IFT27: variants seen among roughly 807,000 people sequenced by gnomAD.
The protein encoded by IFT27 is intraflagellar transport 27, also known as intraflagellar transport protein 27 homolog.
In IFT27, 19 loss-of-function variants were observed where a neutral mutation model predicts 23.9. The observed-to-expected ratio is 0.79, with a 90% CI of 0.55 to 1.16. IFT27 has a LOEUF of 1.16. Ranked by LOEUF, IFT27 falls within the 50% of genes most tolerant of loss-of-function variation. The probability of loss-of-function intolerance (pLI) is 0.00; values close to 1 mark genes in which losing one functional copy is unlikely to be tolerated. For missense variants in IFT27, 206 were observed against 228.7 expected (o/e 0.90, Z 0.64); for synonymous variants, 91 against 89.1 (o/e 1.02, Z -0.12).
Position 36,766,238 on chromosome 22 carries a change from C to T in IFT27, c.175-41G>A, listed in dbSNP as rs370741992. 22 of 1,562,392 alleles carry T rather than the reference C, an allele frequency of 1.4e-5. No individual in the cohort carries two copies. In the African/African-American group the frequency reaches 2.2e-4, roughly 15 times the overall value. On this transcript the variant is annotated intron_variant, in intron 3 of 6. Transcript: ENST00000433985. ...CAAGAAAAGTCTCCACGTGGAAAAACCACAAGCTACGAGTCACTGGTATCA... is the reference window on the plus strand; with the variant it reads ...CAAGAAAAGTCTCCACGTGGAAAAATCACAAGCTACGAGTCACTGGTATCA...
At chr22:36,765,987 G>C in intron 4 of IFT27, 151 bp downstream of exon 4, 6 of 715,128 alleles carry the variant, frequency 8.4e-6, no homozygotes, top group Non-Finnish European at 1.5e-5. Context: ...GTATCCATGA[G>C]TCCTGGGCTG....
At chr22:36,765,333 C>T (rs144018589) in intron 4 of IFT27, among the ~76,000 whole-genome samples, 178 of 152,226 alleles carry the variant, frequency 1.2e-3, no homozygotes, top group Non-Finnish European at 2.2e-3. Context: ...ACGGGTGGCA[C>T]ATGGCCTGGA....
chr22:36,763,110 A>G, intron 5 of IFT27, 97 bp from the exon 6 acceptor site: 4 of 782,360 alleles, frequency 5.1e-6, no homozygotes, highest in Non-Finnish European at 5.9e-6. Flanking sequence ...GGTGTAAAGC[A>G]TCCTCTGAGA....
chr22:36,767,204 C>G (rs763419690), intron 3 of IFT27, 102 bp downstream of exon 3: 1 of 894,566 alleles, frequency 1.1e-6, no homozygotes, highest in Non-Finnish European at 1.8e-6. Flanking sequence ...GTCTAGACCA[C>G]AGCCTTGCAC....
At chr22:36,767,522 T>A (rs1467720708) in intron 2 of IFT27, among the ~76,000 whole-genome samples, 157 bp from the exon 3 acceptor site, 1 of 152,138 alleles carries the variant, frequency 6.6e-6, no homozygotes, top group Admixed American at 6.5e-5. Flanking sequence ...CATGCAGAAG[T>A]CAGAGGGGAC....
chr22:36,762,825 G>C, intron 6 of IFT27, 79 bp downstream of exon 6: 1 of 795,010 alleles, frequency 1.3e-6, no homozygotes, highest in South Asian at 2.4e-5. Flanking sequence ...ACAGCTCCCT[G>C]CACGTGAGGT....
At chr22:36,774,791 A>G (rs1938465286) in intron 1 of IFT27, among the ~76,000 whole-genome samples, 2 of 151,924 alleles carry the variant, frequency 1.3e-5, no homozygotes, top group African/African-American at 4.8e-5. Flanking sequence ...CAGCCTGGGC[A>G]ACAGCGTGAG....
intron 6 of IFT27, chr22:36,762,008 C>G (rs1332239944): frequency 6.6e-6 from 1 of 152,278 alleles, no homozygotes; most frequent in Non-Finnish European, 1.5e-5. Context: ...CTGGTGATCT[C>G]CCCAGCTAGC....
chr22:36,768,210 G>A (rs1938304372), intron 1 of IFT27: 1 of 415,566 alleles, frequency 2.4e-6, no homozygotes, highest in Non-Finnish European at 4.9e-6. Context: ...TTCCAAACTG[G>A]AATTTACTTT....
chr22:36,766,345 C>T (rs75913273), intron 3 of IFT27, 148 bp from the exon 4 acceptor site: 12,816 of 679,328 alleles, frequency 0.019, 170 homozygotes, highest in Non-Finnish European at 0.024. Context: ...TTCTCCCAGG[C>T]ACGAGAGAAG....
chr22:36,763,218 T>C (rs1938145460), intron 5 of IFT27: 1 of 440,898 alleles, frequency 2.3e-6, no homozygotes, highest in South Asian at 6.1e-5. Context: ...GCTTCGCTTT[T>C]CATGCACAAC....
Position 36,762,941 on chromosome 22 carries a change from GC to G in IFT27, c.424del (p.Ala142ArgfsTer13). 6.3e-7 allele frequency: 1 copy of G among 1,595,036 alleles called. No homozygotes were observed. Among genetic ancestry groups the G allele is most frequent in the Non-Finnish European group, 8.6e-7 (1 of 1,167,674 alleles). On this transcript the variant is annotated frameshift_variant, in exon 6 of 7. Transcript: ENST00000433985. LOFTEE classifies it high-confidence loss of function. ...AAAACATTCCAGGCCCTGGCCCAGCGCCCATGCCCGGGCCTCAGCTGAGTCC... is the reference window on the plus strand; with the variant it reads ...AAAACATTCCAGGCCCTGGCCCAGCGCCATGCCCGGGCCTCAGCTGAGTCC... Reference protein sequence around the residue: ...AVDSAEARAWALGQGLECFET... With the variant: ...AVDSAEARAWXLGQGLECFET...
At chr22:36,774,879 T>A (rs147836375) in intron 1 of IFT27, among the ~76,000 whole-genome samples, 1 of 152,104 alleles carries the variant, frequency 6.6e-6, no homozygotes, top group Non-Finnish European at 1.5e-5. Context: ...GACGATTACA[T>A]GAAATATGTG....
rs1938167159 is a variant in IFT27 at position 36,763,921 on chromosome 22, G to A, written c.350C>T (p.Pro117Leu). 1 of 1,606,434 alleles carries A rather than the reference G, an allele frequency of 6.2e-7. No individual in the cohort carries two copies. Among genetic ancestry groups the A allele is most frequent in the Non-Finnish European group, 8.5e-7 (1 of 1,172,946 alleles). Residue 117 changes from proline (P) to leucine (L), a missense_variant and splice_region_variant, in exon 5 of 7, where the codon CCA becomes CTA. Coordinates refer to ENST00000433985, the MANE Select transcript of IFT27 (RefSeq NM_001177701.3). ...ACATGGGTGTCTGCAGCCCGTACCT[G>A]GGAGAGAGATGCCTGGAGCCTGTGA... is the stretch of plus-strand genomic sequence containing the variant. ...ARSQAPGISL[P>L]GVLVGNKTDL... is the part of the protein sequence containing the mutation.
chr22:36,771,698 C>T (rs986679188), intron 1 of IFT27, among the ~76,000 whole-genome samples: 12 of 152,256 alleles, frequency 7.9e-5, no homozygotes, highest in African/African-American at 2.7e-4. Flanking sequence ...AGTTCTCCAA[C>T]ACTTGATGAA....
chr22:36,767,405 C>T (rs1938281833), intron 2 of IFT27, 40 bp from the exon 3 acceptor site: 1 of 1,576,088 alleles, frequency 6.3e-7, no homozygotes, highest in African/African-American at 1.3e-5. Context: ...TGAGGGCCCC[C>T]AAAGGGAGAG....
At chr22:36,768,003 G>A in intron 1 of IFT27, 141 bp from the exon 2 acceptor site, 1 of 785,466 alleles carries the variant, frequency 1.3e-6, no homozygotes, top group Non-Finnish European at 2.3e-6. Flanking sequence ...AACTTGTTCT[G>A]AGGCCGCGGG....
rs576803886 is a variant in IFT27 at position 36,763,952 on chromosome 22, C to T, written c.319G>A (p.Ala107Thr). Residue 107 changes from alanine to threonine, a missense_variant, in exon 5 of 7, where the codon GCT (alanine) becomes ACT (threonine). Ala to Thr is a moderately conservative substitution (Grantham distance 58, BLOSUM62 0). Transcript: ENST00000433985. Reference protein sequence around the residue: ...FNNCSKWLEKARSQAPGISLP... With the variant: ...FNNCSKWLEKTRSQAPGISLP... ...GAGATGCCTGGAGCCTGTGACCGAGCCTTCTCCAGCCACTTGCTGCAGTTG... is the reference window on the plus strand; with the variant it reads ...GAGATGCCTGGAGCCTGTGACCGAGTCTTCTCCAGCCACTTGCTGCAGTTG... 2.0e-4 allele frequency: 316 copies of T among 1,614,062 alleles called. 4 individuals are homozygous for T. In the South Asian group the frequency reaches 2.8e-3, roughly 14 times the overall value.
chr22:36,762,836 C>A, intron 6 of IFT27, 68 bp downstream of exon 6: 1 of 947,760 alleles, frequency 1.1e-6, no homozygotes, highest in South Asian at 2.0e-5. Context: ...CACGTGAGGT[C>A]ATGTGCAAGA....
Sources: allele counts gnomAD v4.1 joint callset (sites outside exome capture counted in the v4.1 genomes callset), GRCh38; gene constraint gnomAD v4.1.1; transcripts MANE v1.5; gene names NCBI Gene and HGNC (gene_info 2026-07-23, HGNC 2026-07-21).